The following TGFBR2 variants were observed in gnomAD, a reference collection of about 807,000 sequenced individuals.
TGFBR2 encodes the protein transforming growth factor beta receptor 2.
TGFBR2 carries 18 observed loss-of-function variants against 49.0 expected under a neutral mutation model. That is an observed-to-expected ratio of 0.37 (90% CI 0.25 to 0.54). TGFBR2 has a LOEUF of 0.54. TGFBR2 is among the 20% of genes least tolerant of loss of function. TGFBR2 has a pLI of 0.85. For missense variants in TGFBR2, 525 were observed against 722.6 expected (o/e 0.73, Z 3.13); for synonymous variants, 282 against 275.9 (o/e 1.02, Z -0.22).
intron 1 of TGFBR2, among the ~76,000 whole-genome samples, chr3:30,607,334 C>T (rs1697941997): frequency 6.6e-6 from 1 of 152,304 alleles, no homozygotes; most frequent in East Asian, 1.9e-4. Flanking sequence ...GAGCGGCAGC[C>T]TGAGCTGCCA....
At chr3:30,623,591 C>T (rs1402123882) in intron 1 of TGFBR2, among the ~76,000 whole-genome samples, 5 of 152,280 alleles carry the variant, frequency 3.3e-5, no homozygotes, top group Non-Finnish European at 7.3e-5. Flanking sequence ...CTCTTTAATA[C>T]ACCGTGTGGT....
At chr3:30,653,059 C>T (rs1238390904) in intron 3 of TGFBR2, among the ~76,000 whole-genome samples, 1 of 152,068 alleles carries the variant, frequency 6.6e-6, no homozygotes, top group Non-Finnish European at 1.5e-5. Flanking sequence ...CAGCTGACGA[C>T]TCAAATGTCT....
chr3:30,688,338 C>T (rs373905752), intron 5 of TGFBR2, 46 bp from the exon 6 acceptor site: 3 of 1,613,674 alleles, frequency 1.9e-6, no homozygotes, highest in Admixed American at 1.7e-5. Flanking sequence ...CCTTTGGCTG[C>T]ACATGCCATT....
chr3:30,685,796 C>T (rs1335566375), intron 5 of TGFBR2, among the ~76,000 whole-genome samples: 1 of 152,238 alleles, frequency 6.6e-6, no homozygotes, highest in Non-Finnish European at 1.5e-5. Context: ...ACACCTGTGG[C>T]AGCTGTAGGC....
At chr3:30,625,239 A>G (rs1698312584) in intron 1 of TGFBR2, among the ~76,000 whole-genome samples, 1 of 152,236 alleles carries the variant, frequency 6.6e-6, no homozygotes, top group Non-Finnish European at 1.5e-5. Context: ...GGAATAAAAA[A>G]AGAAAAATAT....
intron 5 of TGFBR2, among the ~76,000 whole-genome samples, chr3:30,685,400 C>T (rs1191149705): frequency 6.6e-6 from 1 of 152,214 alleles, no homozygotes; most frequent in African/African-American, 2.4e-5. Context: ...GGAGAAAGCA[C>T]TTCCTTGGCG....
intron 5 of TGFBR2, among the ~76,000 whole-genome samples, chr3:30,681,129 G>T (rs1393881403): frequency 8.0e-6 from 1 of 125,558 alleles, no homozygotes; most frequent in Non-Finnish European, 1.6e-5. Flanking sequence ...GCTCCTTAGT[G>T]TATTGTCAAG....
intron 5 of TGFBR2, 125 bp downstream of exon 5, chr3:30,674,371 T>C: frequency 1.6e-6 from 2 of 1,290,142 alleles, no homozygotes; most frequent in Admixed American, 3.5e-5. Context: ...TCTGATATTA[T>C]ACAACCATCC....
chr3:30,630,214 TCACCC>T (rs1363750865), intron 1 of TGFBR2, among the ~76,000 whole-genome samples: 2 of 152,210 alleles, frequency 1.3e-5, no homozygotes, highest in Admixed American at 1.3e-4. Flanking sequence ...ATCTGGGTTC[TCACCC>T]CAGAATGAGA....
In TGFBR2 at chr3:30,671,564, G is replaced by T. The variant is rs1449298331; in HGVS notation, c.455-74G>T. 4.1e-6 allele frequency: 6 copies of T among 1,455,324 alleles called. No homozygotes were observed. The East Asian group carries it at 6.8e-5, about 16-fold the overall frequency. The allele number at this position is 1,455,324 out of a possible 1,614,324, so 90.2% of individuals were successfully genotyped here. On this transcript the variant is annotated intron_variant, in intron 3 of 6. Coordinates refer to ENST00000295754, the MANE Select transcript of TGFBR2 (RefSeq NM_003242.6). ...GATGCTAAAATCTATAGATGCTCAG[G>T]CATGAACCCACTTCCTGACAGTACT...
At chr3:30,684,415 T>A (rs1699591664) in intron 5 of TGFBR2, among the ~76,000 whole-genome samples, 1 of 152,200 alleles carries the variant, frequency 6.6e-6, no homozygotes, top group African/African-American at 2.4e-5. Context: ...AGGACATTTT[T>A]CAGAAGTTAA....
intron 4 of TGFBR2, among the ~76,000 whole-genome samples, chr3:30,673,851 G>A (rs1699384677): frequency 6.6e-6 from 1 of 152,166 alleles, no homozygotes. Flanking sequence ...AGATAAGGCA[G>A]CTCTGGGGTT....
intron 3 of TGFBR2, among the ~76,000 whole-genome samples, chr3:30,669,049 G>A (rs1047312251): frequency 1.3e-5 from 2 of 149,226 alleles, no homozygotes; most frequent in South Asian, 2.1e-4. Context: ...AGGCCAAGGC[G>A]GGCAGATCAC....
rs1001983657 is a variant in TGFBR2, at chr3:30,650,263, A to C, written c.264-7A>C. 1 of 1,613,278 alleles carries C rather than the reference A, an allele frequency of 6.2e-7. No homozygotes were observed. The highest frequency in any genetic ancestry group is 1.7e-4 in the Middle Eastern group (1 of 6,058). ...CCCCTCGCTTCCAATGAATCTCTTC[A>C]CTCTAGGAGAAAGAATGACGAGAAC... On this transcript the variant is annotated splice_polypyrimidine_tract_variant and splice_region_variant and intron_variant, in intron 2 of 6. Coordinates refer to ENST00000295754, the MANE Select transcript of TGFBR2 (RefSeq NM_003242.6).
rs1416255031 is a variant in TGFBR2, at chr3:30,692,795, GAAGCCACTTTATAAAT to G, written c.*1198_*1213del. The G allele has an allele frequency of 4.3e-6, 1 of 233,180 alleles. No individual in the cohort carries two copies. Among genetic ancestry groups the G allele is most frequent in the African/African-American group, 2.2e-5 (1 of 45,450 alleles). 14.4% of individuals were successfully genotyped at this position (233,180 alleles called of 1,614,324 possible). A position where few individuals can be genotyped will look rare whatever the true frequency, so the allele number is the denominator to read the frequency against. On this transcript the variant is annotated 3_prime_UTR_variant, in exon 7 of 7. Transcript: ENST00000295754. Reference sequence around the variant, plus strand: ...TGGTCAGCACAGCGTTTCAAAAAGTGAAGCCACTTTATAAATATTTGGAGATTTTGCAGGAAAATCT... The same window carrying G: ...TGGTCAGCACAGCGTTTCAAAAAGTGATTTGGAGATTTTGCAGGAAAATCT...
At chr3:30,673,063 G>C (rs1699371871) in intron 4 of TGFBR2, among the ~76,000 whole-genome samples, 1 of 152,242 alleles carries the variant, frequency 6.6e-6, no homozygotes, top group Admixed American at 6.5e-5. Context: ...GATGAGCCCA[G>C]TGTTTTCACA....
At chr3:30,682,553 G>A (rs1449427981) in intron 5 of TGFBR2, among the ~76,000 whole-genome samples, 5 of 152,144 alleles carry the variant, frequency 3.3e-5, no homozygotes, top group Non-Finnish European at 5.9e-5. Context: ...CCAAGGTCAA[G>A]CATCATTTGA....
intron 5 of TGFBR2, among the ~76,000 whole-genome samples, chr3:30,686,681 A>G (rs1256060036): frequency 6.6e-6 from 1 of 152,216 alleles, no homozygotes; most frequent in Non-Finnish European, 1.5e-5. Flanking sequence ...AAATAAGATT[A>G]TTTTGAAGCT....
chr3:30,648,460 A>ACACACACC (rs1553627538), intron 2 of TGFBR2, among the ~76,000 whole-genome samples: 3,842 of 142,428 alleles, frequency 0.027, 123 homozygotes, highest in Non-Finnish European at 0.032. Context: ...ACACACACAC[A>ACACACACC]CAAAACTGTG....
Sources: allele counts gnomAD v4.1 joint callset (sites outside exome capture counted in the v4.1 genomes callset), GRCh38; gene constraint gnomAD v4.1.1; transcripts MANE v1.5; gene names NCBI Gene and HGNC (gene_info 2026-07-23, HGNC 2026-07-21).